Variants in OSBPL5 observed in about 807,000 individuals in gnomAD.
OSBPL5 encodes oxysterol binding protein like 5, also known as oxysterol-binding protein-related protein 5.
In OSBPL5, 71 loss-of-function variants were observed where a neutral mutation model predicts 111.2. That is an observed-to-expected ratio of 0.64 (90% CI 0.53 to 0.78). The LOEUF is 0.78. Ranked by LOEUF, OSBPL5 falls within the 30% of genes least tolerant of loss-of-function variation. The pLI is 0.00. For synonymous variants in OSBPL5, 549 were observed against 513.9 expected, an observed-to-expected ratio of 1.07 and a Z score of -0.93; for missense variants, 1,210 against 1,189.3, an observed-to-expected ratio of 1.02 and a Z score of -0.26.
chr11:3,112,473 CTTTTCTTTTT>C (rs759861531), intron 7 of OSBPL5, among the ~76,000 whole-genome samples: 1 of 48,614 alleles, frequency 2.1e-5, no homozygotes. Context: ...TTTGTGTTTT[CTTTTCTTTTT>C]TTTTTTTTTT....
At chr11:3,153,158 C>A (rs375729565) in intron 1 of OSBPL5, among the ~76,000 whole-genome samples, 3 of 152,204 alleles carry the variant, frequency 2.0e-5, no homozygotes, top group South Asian at 4.2e-4. Flanking sequence ...TGACTCTGGG[C>A]AGGTTTCCTC....
At position 3,161,630 on chromosome 11, in the gene OSBPL5, C is replaced by T. The variant is rs1490664029; in HGVS notation, c.-22+3586G>A. 2.0e-5 allele frequency among the ~76,000 whole-genome samples: 3 copies of T among 152,166 alleles called. No homozygotes were observed. The highest frequency in any genetic ancestry group is 6.5e-5 in the Admixed American group (1 of 15,284). ...CATGGGGACAGACACCGCGCACCAG[C>T]GGCACCCACCAGGGACAGATGCCAC... On this transcript the variant is annotated intron_variant, in intron 1 of 21. Transcript: ENST00000263650. The surrounding 1 kb of genome is among the most constrained non-coding windows in gnomAD (Gnocchi z 8.0).
At chr11:3,163,383 G>A (rs994615971) in intron 1 of OSBPL5, among the ~76,000 whole-genome samples, 14 of 152,200 alleles carry the variant, frequency 9.2e-5, no homozygotes, top group East Asian at 1.9e-4. Context: ...CCTTCCACCC[G>A]CCGGCTTGTC....
At chr11:3,102,562 C>A (rs1308342451) in intron 11 of OSBPL5, among the ~76,000 whole-genome samples, 1 of 152,206 alleles carries the variant, frequency 6.6e-6, no homozygotes, top group African/African-American at 2.4e-5. Flanking sequence ...TCTCCTTGGA[C>A]CTTGGGTGTA....
rs1356774580 is a variant in OSBPL5, at chr11:3,126,152, T to C, written c.219+321A>G. ...TAAACAGACAATTTTGAGAGTTCTA[T>C]ATTATCCTGGAATTACCATGTGACC... On this transcript the variant is annotated intron_variant, in intron 3 of 21. Transcript: ENST00000263650. The surrounding 1 kb of genome is among the most constrained non-coding windows in gnomAD (Gnocchi z 6.5). 3.3e-5 allele frequency among the ~76,000 whole-genome samples: 5 copies of C among 152,184 alleles called. No individual in the cohort carries two copies. The highest frequency in any genetic ancestry group is 7.4e-5 in the Non-Finnish European group (5 of 68,022).
chr11:3,094,347 C>T lies in OSBPL5; in HGVS notation c.1622-13G>A, dbSNP rs756705636. The T allele has an allele frequency of 1.6e-5, 25 of 1,611,346 alleles. No individual in the cohort carries two copies. The South Asian group carries it at 2.5e-4, about 16-fold the overall frequency. On this transcript the variant is annotated splice_polypyrimidine_tract_variant and intron_variant, in intron 14 of 21. Coordinates refer to ENST00000263650, the MANE Select transcript of OSBPL5 (RefSeq NM_020896.4). ...CCATACAGGATTCCTGAAATGCAGC[C>T]AGTGTCAGGGGCCAGGCGGCCCCAG... is the stretch of plus-strand genomic sequence containing the variant.
chr11:3,100,848 A>G (rs1206756419), intron 13 of OSBPL5, among the ~76,000 whole-genome samples: 1 of 152,120 alleles, frequency 6.6e-6, no homozygotes, highest in Non-Finnish European at 1.5e-5. Context: ...CAGGCCCCAG[A>G]GCAGTGCAGT....
At chr11:3,102,116 C>G in intron 12 of OSBPL5, 67 bp downstream of exon 12, 1 of 1,492,112 alleles carries the variant, frequency 6.7e-7, no homozygotes, top group East Asian at 2.5e-5. Flanking sequence ...TGCCAGGGCC[C>G]CGCCCCCACA....
intron 10 of OSBPL5, among the ~76,000 whole-genome samples, chr11:3,103,886 C>CTCTTCCTGCCTCTG (rs1857600350): frequency 2.0e-5 from 1 of 50,598 alleles, no homozygotes; most frequent in Non-Finnish European, 3.9e-5. Flanking sequence ...CTCTGTAGCC[C>CTCTTCCTGCCTCTG]CATTCCTGCC....
At chr11:3,100,796 G>A (rs1857426838) in intron 13 of OSBPL5, among the ~76,000 whole-genome samples, 1 of 152,058 alleles carries the variant, frequency 6.6e-6, no homozygotes, top group African/African-American at 2.4e-5. Context: ...CAACGGATGG[G>A]ACGAAATGTA....
intron 1 of OSBPL5, among the ~76,000 whole-genome samples, chr11:3,155,913 C>G (rs541146795): frequency 2.0e-5 from 3 of 152,384 alleles, no homozygotes; most frequent in African/African-American, 7.2e-5. Flanking sequence ...CCGGACCCCA[C>G]CCTTCCCAGG....
intron 1 of OSBPL5, among the ~76,000 whole-genome samples, chr11:3,153,274 TC>T (rs113788616): frequency 0.032 from 4,836 of 152,238 alleles, 105 homozygotes; most frequent in African/African-American, 0.057. Context: ...TCCAAAAGCC[TC>T]CATAAAATAC....
chr11:3,136,531 G>A (rs939226051), intron 1 of OSBPL5, among the ~76,000 whole-genome samples: 1 of 152,234 alleles, frequency 6.6e-6, no homozygotes, highest in Non-Finnish European at 1.5e-5. Context: ...CTCCTGCAGA[G>A]GCCTGGGGAC....
intron 7 of OSBPL5, among the ~76,000 whole-genome samples, chr11:3,117,156 A>G (rs1261167241): frequency 2.0e-5 from 3 of 152,210 alleles, no homozygotes; most frequent in African/African-American, 7.2e-5. Flanking sequence ...TGGTTATTTT[A>G]CCAAGGCTTT....
intron 11 of OSBPL5, among the ~76,000 whole-genome samples, chr11:3,102,945 A>G (rs1857507649): frequency 6.6e-6 from 1 of 152,176 alleles, no homozygotes; most frequent in South Asian, 2.1e-4. Flanking sequence ...CACCATCTGT[A>G]ATACGGCCTG....
At chr11:3,128,864 A>G in intron 2 of OSBPL5, 149 bp downstream of exon 2, 1 of 748,186 alleles carries the variant, frequency 1.3e-6, no homozygotes, top group Admixed American at 4.2e-5. Context: ...GCACTCTACC[A>G]AGCTACAAAC....
chr11:3,107,142 A>G lies in OSBPL5; in HGVS notation c.1059+121T>C. The G allele has an allele frequency of 9.1e-7, 1 of 1,093,596 alleles. No homozygotes were observed. The highest frequency in any genetic ancestry group is 1.3e-6 in the Non-Finnish European group (1 of 777,460). 67.7% of individuals were successfully genotyped at this position (1,093,596 alleles called of 1,614,324 possible). ...CTGGACTCACTGCCAAGTGATGGGG[A>G]CAAAAGCTACCCCCTGGGCCCTGCG... is the stretch of plus-strand genomic sequence containing the variant. On this transcript the variant is annotated intron_variant, in intron 9 of 21. Transcript: ENST00000263650. The surrounding 1 kb of genome is among the most constrained non-coding windows in gnomAD (Gnocchi z 6.1).
At chr11:3,122,555 C>A in intron 3 of OSBPL5, 127 bp from the exon 4 acceptor site, 1 of 764,656 alleles carries the variant, frequency 1.3e-6, no homozygotes, top group Non-Finnish European at 2.1e-6. Context: ...CGTTTCCCGC[C>A]TGGCACCCTC....
chr11:3,105,616 G>T lies in OSBPL5; in HGVS notation c.1060-1239C>A, dbSNP rs547812832. ...CCCACCACTCCTCACTGGTCCAGCAGCCATCCCTGCTTCTCATCCTGCCCC... is the reference window on the plus strand; with the variant it reads ...CCCACCACTCCTCACTGGTCCAGCATCCATCCCTGCTTCTCATCCTGCCCC... On this transcript the variant is annotated intron_variant, in intron 9 of 21. Coordinates refer to ENST00000263650, the MANE Select transcript of OSBPL5 (RefSeq NM_020896.4). This position sits in a 1 kb window ranked among gnomAD's most constrained non-coding sequence, Gnocchi z 5.2. Among the ~76,000 whole-genome samples the T allele has an allele frequency of 9.0e-4, 137 of 152,220 alleles. No homozygotes were observed. Among genetic ancestry groups the T allele is most frequent in the African/African-American group, 3.1e-3 (127 of 41,530 alleles).
Sources: gnomAD v4.1 joint callset for allele counts (sites outside exome capture counted in the v4.1 genomes callset) on GRCh38, gnomAD v4.1.1 for gene constraint, Gnocchi (gnomAD v3.1) non-coding constraint, MANE v1.5 for transcripts, NCBI Gene and HGNC (gene_info 2026-07-23, HGNC 2026-07-21) for gene names.